MINK1: variants seen among roughly 807,000 people sequenced by gnomAD.
MINK1 encodes the protein misshapen like kinase 1, also known as misshapen-like kinase 1.
In MINK1, 46 loss-of-function variants were observed where a neutral mutation model predicts 178.4. That is an observed-to-expected ratio of 0.26 (90% CI 0.20 to 0.33). The LOEUF is 0.33. Among genes scored for constraint, MINK1 ranks in the 10% least tolerant of loss-of-function variants. The probability of loss-of-function intolerance (pLI) is 1.00; values close to 1 mark genes in which losing one functional copy is unlikely to be tolerated. For missense variants in MINK1, 1,366 were observed against 1,814.9 expected (o/e 0.75, Z 4.49); for synonymous variants, 797 against 709.7 (o/e 1.12, Z -1.96).
intron 1 of MINK1, among the ~76,000 whole-genome samples, chr17:4,834,434 A>T (rs1908980737): frequency 6.6e-6 from 1 of 152,080 alleles, no homozygotes; most frequent in Non-Finnish European, 1.5e-5. Flanking sequence ...GGTCAGGCTG[A>T]AGGTTTGGAA....
chr17:4,895,391 C>T lies in MINK1; in HGVS notation c.3127C>T (p.Leu1043=). Residue 1043 remains leucine, a synonymous_variant, in exon 26 of 32, where the codon CTG becomes TTG. Coordinates refer to ENST00000355280, the MANE Select transcript of MINK1 (RefSeq NM_153827.5). The surrounding 1 kb of genome is among the most constrained non-coding windows in gnomAD (Gnocchi z 4.3). ...LVGTENGLML[L]DRSGQGKVYG... Reference sequence around the variant, plus strand: ...GGGCACGGAGAACGGGCTGATGTTGCTGGACCGAAGTGGGCAGGGCAAGGT... The same window carrying T: ...GGGCACGGAGAACGGGCTGATGTTGTTGGACCGAAGTGGGCAGGGCAAGGT... 6.2e-7 allele frequency: 1 copy of T among 1,610,262 alleles called. No individual in the cohort carries two copies. Among genetic ancestry groups the T allele is most frequent in the Non-Finnish European group, 8.5e-7 (1 of 1,177,624 alleles).
At chr17:4,870,985 C>A in intron 1 of MINK1, 1 of 243,636 alleles carries the variant, frequency 4.1e-6, no homozygotes. Context: ...CTTCTCCTTC[C>A]TCCCAGCCCC....
At chr17:4,866,967 G>A (rs1304507505) in intron 1 of MINK1, among the ~76,000 whole-genome samples, 1 of 151,008 alleles carries the variant, frequency 6.6e-6, no homozygotes, top group Admixed American at 6.6e-5. Context: ...CAGCTGCTCC[G>A]GAGGCTGAGG....
chr17:4,889,960 T>G, intron 13 of MINK1, 197 bp downstream of exon 13: 4 of 545,358 alleles, frequency 7.3e-6, no homozygotes. Flanking sequence ...CCCTGCCTCA[T>G]TCCCATCTCT....
intron 4 of MINK1, chr17:4,882,857 A>G (rs1453648620): frequency 7.2e-5 from 11 of 152,186 alleles, no homozygotes; most frequent in Non-Finnish European, 1.6e-4. Flanking sequence ...GCAATGGCTC[A>G]AGCCTGTAAT....
At position 4,885,396 on chromosome 17, in the gene MINK1, G is replaced by T; in HGVS notation, c.509-87G>T. On this transcript the variant is annotated intron_variant, in intron 6 of 31. Coordinates refer to ENST00000355280, the MANE Select transcript of MINK1 (RefSeq NM_153827.5). The surrounding 1 kb of genome is among the most constrained non-coding windows in gnomAD (Gnocchi z 5.0). ...TCGGGCCAGGACCACAGCTGGCTCA[G>T]GCAAGTCCTGTGTGTGCACGCAGGG... is the stretch of plus-strand genomic sequence containing the variant. 6.4e-7 allele frequency: 1 copy of T among 1,555,124 alleles called. No homozygotes were observed. Among genetic ancestry groups the T allele is most frequent in the Non-Finnish European group, 8.8e-7 (1 of 1,142,536 alleles).
intron 17 of MINK1, 43 bp from the exon 18 acceptor site, chr17:4,892,359 G>GT (rs1555542271): frequency 1.1e-5 from 16 of 1,435,252 alleles, no homozygotes; most frequent in Admixed American, 2.1e-5. Context: ...TCACCTCAGC[G>GT]CCCCCCCGCC....
In MINK1 at chr17:4,885,117, C is replaced by T. The variant is rs753026784; in HGVS notation, c.508+115C>T. Reference sequence around the variant, plus strand: ...CAACTCCCTTCCTACTGGGGAGGCTCACTCCCTCCCCTTTCCCCTCTCCCC... The same window carrying T: ...CAACTCCCTTCCTACTGGGGAGGCTTACTCCCTCCCCTTTCCCCTCTCCCC... On this transcript the variant is annotated intron_variant, in intron 6 of 31. Coordinates refer to ENST00000355280, the MANE Select transcript of MINK1 (RefSeq NM_153827.5). This position sits in a 1 kb window ranked among gnomAD's most constrained non-coding sequence, Gnocchi z 5.0. 1 of 926,168 alleles carries T rather than the reference C, an allele frequency of 1.1e-6. No homozygotes were observed. 57.4% of individuals were successfully genotyped at this position (926,168 alleles called of 1,614,324 possible).
At position 4,894,452 on chromosome 17, in the gene MINK1, G is replaced by T; in HGVS notation, c.2809-73G>T. ...GGTGCCAGTTGGGGAGCTGGAGCCTGGGGAACAGCAGCAGGGGCAGGGCCG... is the reference window on the plus strand; with the variant it reads ...GGTGCCAGTTGGGGAGCTGGAGCCTTGGGAACAGCAGCAGGGGCAGGGCCG... On this transcript the variant is annotated intron_variant, in intron 23 of 31. Coordinates refer to ENST00000355280, the MANE Select transcript of MINK1 (RefSeq NM_153827.5). This position sits in a 1 kb window ranked among gnomAD's most constrained non-coding sequence, Gnocchi z 4.1. The T allele has an allele frequency of 6.6e-7, 1 of 1,518,898 alleles. No homozygotes were observed. Among genetic ancestry groups the T allele is most frequent in the East Asian group, 2.4e-5 (1 of 40,962 alleles). 94.1% of individuals were successfully genotyped at this position (1,518,898 alleles called of 1,614,324 possible).
chr17:4,889,051 C>T (rs1247525376), intron 12 of MINK1, among the ~76,000 whole-genome samples: 1 of 152,160 alleles, frequency 6.6e-6, no homozygotes, highest in African/African-American at 2.4e-5. Flanking sequence ...CTGGCAACTT[C>T]ATTGCAGAAG....
chr17:4,858,406 T>C (rs1475025293), intron 1 of MINK1, among the ~76,000 whole-genome samples: 2 of 152,144 alleles, frequency 1.3e-5, no homozygotes, highest in African/African-American at 2.4e-5. Flanking sequence ...AAGGGAGTTA[T>C]TTGGCTTGAG....
chr17:4,833,688 A>AG lies in MINK1; in HGVS notation c.57+52dup. The AG allele has an allele frequency of 7.1e-7, 1 of 1,418,162 alleles. No homozygotes were observed. Among genetic ancestry groups the AG allele is most frequent in the South Asian group, 1.4e-5 (1 of 73,770 alleles). 87.8% of individuals were successfully genotyped at this position (1,418,162 alleles called of 1,614,324 possible). On this transcript the variant is annotated intron_variant, in intron 1 of 31. Transcript: ENST00000355280. The surrounding 1 kb of genome is among the most constrained non-coding windows in gnomAD (Gnocchi z 4.8). ...TCGCCCTGGTTCCTGTCCCCGCCGC[A>AG]GGGGAGGGAGCGGGGTGGCTGCACG...
intron 4 of MINK1, among the ~76,000 whole-genome samples, chr17:4,884,159 AC>A (rs1429379407): frequency 6.6e-6 from 1 of 150,766 alleles, no homozygotes; most frequent in Non-Finnish European, 1.5e-5. Context: ...GAGCCACCGC[AC>A]CCAGCCTTTT....
In MINK1 at chr17:4,878,280, A is replaced by G. The variant is rs1002880309; in HGVS notation, c.58-37A>G. On this transcript the variant is annotated intron_variant, in intron 1 of 31. Transcript: ENST00000355280. ...CTCTAGCTCTGTAATCCTTTTCTAAAGTCTTGACACAGTATTCTTCTGTCT... is the reference window on the plus strand; with the variant it reads ...CTCTAGCTCTGTAATCCTTTTCTAAGGTCTTGACACAGTATTCTTCTGTCT... The G allele has an allele frequency of 5.4e-5, 82 of 1,525,198 alleles. 1 individual carries two copies. The highest frequency in any genetic ancestry group is 6.9e-5 in the Non-Finnish European group (78 of 1,136,802). The allele number at this position is 1,525,198 out of a possible 1,614,324, so 94.5% of individuals were successfully genotyped here.
intron 1 of MINK1, chr17:4,868,841 C>T (rs977540263): frequency 2.9e-6 from 1 of 345,352 alleles, no homozygotes; most frequent in Admixed American, 3.2e-5. Flanking sequence ...CCTCAACCTC[C>T]CAGGCTCAAG....
At chr17:4,841,895 G>A (rs1161316890) in intron 1 of MINK1, among the ~76,000 whole-genome samples, 2 of 152,090 alleles carry the variant, frequency 1.3e-5, no homozygotes, top group Non-Finnish European at 2.9e-5. Context: ...GGCCTCCAGG[G>A]GGTGTTCGGA....
chr17:4,862,742 A>T (rs1016693937), intron 1 of MINK1, among the ~76,000 whole-genome samples: 1 of 151,740 alleles, frequency 6.6e-6, no homozygotes, highest in South Asian at 2.1e-4. Context: ...TAAAGTCAAG[A>T]CCCTTCTTGG....
At chr17:4,877,835 G>C (rs191957621) in intron 1 of MINK1, among the ~76,000 whole-genome samples, 3 of 144,902 alleles carry the variant, frequency 2.1e-5, no homozygotes, top group Non-Finnish European at 4.5e-5. Flanking sequence ...TTTTGAGACG[G>C]AGTCTCACTC....
At position 4,894,710 on chromosome 17, in the gene MINK1, C is replaced by T. The variant is rs150819978; in HGVS notation, c.2917+77C>T. 1.0e-4 allele frequency: 114 copies of T among 1,133,758 alleles called. No homozygotes were observed. Among genetic ancestry groups the T allele is most frequent in the African/African-American group, 5.8e-4 (37 of 63,930 alleles). 70.2% of individuals were successfully genotyped at this position (1,133,758 alleles called of 1,614,324 possible). On this transcript the variant is annotated intron_variant, in intron 24 of 31. Coordinates refer to ENST00000355280, the MANE Select transcript of MINK1 (RefSeq NM_153827.5). The surrounding 1 kb of genome is among the most constrained non-coding windows in gnomAD (Gnocchi z 4.1). Reference sequence around the variant, plus strand: ...GGAGGGGAGCACAGTGGTCTTGAGACGCAGCCTCACAAAGCATAGCCACAG... The same window carrying T: ...GGAGGGGAGCACAGTGGTCTTGAGATGCAGCCTCACAAAGCATAGCCACAG...
Sources: gnomAD v4.1 joint callset for allele counts (sites outside exome capture counted in the v4.1 genomes callset) on GRCh38, gnomAD v4.1.1 for gene constraint, Gnocchi (gnomAD v3.1) non-coding constraint, MANE v1.5 for transcripts, NCBI Gene and HGNC (gene_info 2026-07-23, HGNC 2026-07-21) for gene names.